The following CMTM4 variants were observed in gnomAD, a reference collection of about 807,000 sequenced individuals.
CMTM4 encodes CKLF like MARVEL transmembrane domain containing 4.
Under a neutral mutation model 19.0 loss-of-function variants are expected in CMTM4, and 8 were observed. The ratio of observed to expected loss-of-function variants is 0.42; its 90% CI spans 0.25 to 0.76. The LOEUF (loss-of-function observed/expected upper bound fraction) is 0.76, where lower values mean the gene tolerates loss of function less well. CMTM4 is among the 30% of genes least tolerant of loss of function. CMTM4 has a pLI of 0.27. For missense variants in CMTM4, 228 were observed against 290.2 expected, an observed-to-expected ratio of 0.79 and a Z score of 1.56; for synonymous variants, 106 against 121.1, an observed-to-expected ratio of 0.88 and a Z score of 0.82.
chr16:66,622,294 G>C lies in CMTM4; in HGVS notation c.463-72C>G, dbSNP rs924234713. The C allele has an allele frequency of 2.6e-6, 4 of 1,513,466 alleles. No individual in the cohort carries two copies. The highest frequency in any genetic ancestry group is 3.6e-6 in the Non-Finnish European group (4 of 1,111,544). 93.8% of individuals were successfully genotyped at this position (1,513,466 alleles called of 1,614,324 possible). On this transcript the variant is annotated intron_variant, in intron 3 of 3. Transcript: ENST00000394106. This position sits in a 1 kb window ranked among gnomAD's most constrained non-coding sequence, Gnocchi z 4.0. Reference sequence around the variant, plus strand: ...CCTCAAGGCTTCTGTGGTGACCCAAGCCACATGCAGCCCCTTCCTGCTCTG... The same window carrying C: ...CCTCAAGGCTTCTGTGGTGACCCAACCCACATGCAGCCCCTTCCTGCTCTG...
chr16:66,612,072 G>A (rs2015395385), downstream of CMTM4, among the ~76,000 whole-genome samples: 1 of 152,088 alleles, frequency 6.6e-6, no homozygotes, highest in Non-Finnish European at 1.5e-5. The surrounding 1 kb of genome is among the most constrained non-coding windows in gnomAD (Gnocchi z 6.0). Context: ...CTTCAGTCTT[G>A]GGGTGGAAAC....
chr16:66,694,586 G>A (rs921449710), intron 1 of CMTM4, among the ~76,000 whole-genome samples: 11 of 151,730 alleles, frequency 7.2e-5, no homozygotes, highest in African/African-American at 2.4e-4. Context: ...GGTGGTGGGC[G>A]CCTGTAATCC....
chr16:66,690,023 A>G (rs1432572056), intron 1 of CMTM4, among the ~76,000 whole-genome samples: 1 of 152,224 alleles, frequency 6.6e-6, no homozygotes, highest in Non-Finnish European at 1.5e-5. Flanking sequence ...AAAAAACTTA[A>G]GAGTAATTAT....
chr16:66,627,189 A>T (rs890201538), intron 2 of CMTM4, among the ~76,000 whole-genome samples: 1 of 152,262 alleles, frequency 6.6e-6, no homozygotes, highest in Non-Finnish European at 1.5e-5. Flanking sequence ...GTTGTTCAAT[A>T]AAATGGTATT....
chr16:66,638,613 C>T (rs1331602122), intron 1 of CMTM4, among the ~76,000 whole-genome samples: 2 of 152,116 alleles, frequency 1.3e-5, no homozygotes, highest in African/African-American at 4.8e-5. Context: ...AATCCCAGCA[C>T]TTTGGGAGGC....
chr16:66,631,270 GC>G (rs1196794352), intron 2 of CMTM4, among the ~76,000 whole-genome samples: 2 of 147,892 alleles, frequency 1.4e-5, no homozygotes, highest in African/African-American at 5.0e-5. Context: ...TGGGGGGTCA[GC>G]CCCCCGCCCG....
At chr16:66,661,980 CAAAA>C (rs1189617506) in intron 1 of CMTM4, among the ~76,000 whole-genome samples, 1 of 151,858 alleles carries the variant, frequency 6.6e-6, no homozygotes, top group Admixed American at 6.6e-5. Context: ...ACTACAAAAA[CAAAA>C]CAAACAAAAA....
At chr16:66,639,740 G>A (rs1045933375) in intron 1 of CMTM4, among the ~76,000 whole-genome samples, 1 of 151,840 alleles carries the variant, frequency 6.6e-6, no homozygotes, top group African/African-American at 2.4e-5. Context: ...AAAAGTAGCT[G>A]GGCATGGTAG....
the CMTM4 span, chr16:66,609,351 G>T: frequency 8.1e-7 from 1 of 1,227,312 alleles, no homozygotes; most frequent in Non-Finnish European, 1.2e-6. This position sits in a 1 kb window ranked among gnomAD's most constrained non-coding sequence, Gnocchi z 4.4. Context: ...GCCTGGGGCT[G>T]GGAACACGAC....
intron 2 of CMTM4, among the ~76,000 whole-genome samples, chr16:66,626,989 G>C (rs527435777): frequency 6.6e-6 from 1 of 152,144 alleles, no homozygotes; most frequent in Non-Finnish European, 1.5e-5. Context: ...TGTAGTCCCA[G>C]CTACTTGGAA....
chr16:66,670,586 G>C (rs1049219566), intron 1 of CMTM4, among the ~76,000 whole-genome samples: 1 of 152,042 alleles, frequency 6.6e-6, no homozygotes, highest in African/African-American at 2.4e-5. Flanking sequence ...CGGATCACGA[G>C]GTCAAGAGAC....
chr16:66,633,437 T>C (rs971151734), intron 2 of CMTM4, among the ~76,000 whole-genome samples: 21 of 152,066 alleles, frequency 1.4e-4, no homozygotes, highest in Non-Finnish European at 2.6e-4. Context: ...CCAACCCTTC[T>C]GTAGCGAGTT....
In CMTM4 at chr16:66,623,489, G is replaced by C. The variant is rs1277487939; in HGVS notation, c.377C>G (p.Thr126Ser). 1 of 1,611,152 alleles carries C rather than the reference G, an allele frequency of 6.2e-7. No homozygotes were observed. ...INWNLTDLVN[T>S]GLSAFLFFIA... is the part of the protein sequence containing the mutation. ...AAAGAAAAGGAAAGCGCTGAGTCCA[G>C]TGTTGACCAAATCCTAAAGGGAGAG... Residue 126 changes from threonine (T) to serine (S), a missense_variant, in exon 3 of 4, where the codon ACT becomes AGT. Around this residue, in one of 3 missense-constraint regions of CMTM4, gnomAD observed 200 missense variants for 226.6 expected, o/e 0.88. Transcript: ENST00000394106.
chr16:66,624,673 A>G (rs904382977), intron 2 of CMTM4, among the ~76,000 whole-genome samples: 1 of 152,230 alleles, frequency 6.6e-6, no homozygotes, highest in South Asian at 2.1e-4. Context: ...CAGCTGAAGT[A>G]CGAGAATCAC....
At chr16:66,641,613 G>T (rs1177744994) in intron 1 of CMTM4, among the ~76,000 whole-genome samples, 1 of 152,164 alleles carries the variant, frequency 6.6e-6, no homozygotes, top group Non-Finnish European at 1.5e-5. Flanking sequence ...GTGCCAGGAT[G>T]TAATAGCCAA....
At chr16:66,645,237 T>C (rs1486389649) in intron 1 of CMTM4, among the ~76,000 whole-genome samples, 2 of 150,914 alleles carry the variant, frequency 1.3e-5, no homozygotes, top group Non-Finnish European at 2.9e-5. Context: ...TGAACTGAGA[T>C]TGCGTCACTG....
Position 66,684,058 on chromosome 16 carries a change from C to T in CMTM4, c.186+12282G>A, listed in dbSNP as rs1596963016. On this transcript the variant is annotated intron_variant, in intron 1 of 3. Coordinates refer to ENST00000394106, the MANE Select transcript of CMTM4 (RefSeq NM_181521.3). ...CTGAAGTAATCGGTATTATAAAATT[C>T]CAGCCAGAGGTAAGAAATTTTACCT... Among the ~76,000 whole-genome samples, 3 of 152,224 alleles carry T rather than the reference C, an allele frequency of 2.0e-5. 1 individual carries two copies. The East Asian group carries it at 5.8e-4, about 29-fold the overall frequency.
chr16:66,682,417 G>A (rs2016933166), intron 1 of CMTM4, among the ~76,000 whole-genome samples: 1 of 151,414 alleles, frequency 6.6e-6, no homozygotes, highest in African/African-American at 2.4e-5. Flanking sequence ...AAATCTTTTA[G>A]CCTTAAACTG....
chr16:66,653,494 G>C (rs1165558194), intron 1 of CMTM4, among the ~76,000 whole-genome samples: 1 of 152,106 alleles, frequency 6.6e-6, no homozygotes, highest in Non-Finnish European at 1.5e-5. Context: ...CCCCAGGGCC[G>C]CCATCCTTAC....
Sources: allele counts gnomAD v4.1 joint callset (sites outside exome capture counted in the v4.1 genomes callset), GRCh38; gene constraint gnomAD v4.1.1; regional missense constraint gnomAD v4.1.1; non-coding constraint Gnocchi (gnomAD v3.1); transcripts MANE v1.5; gene names NCBI Gene and HGNC (gene_info 2026-07-23, HGNC 2026-07-21).